SVEP1: variants seen among roughly 807,000 people sequenced by gnomAD.
The protein encoded by SVEP1 is sushi, von Willebrand factor type A, EGF and pentraxin domain containing 1, also known as sushi, von Willebrand factor type A, EGF and pentraxin domain-containing protein 1.
A neutral mutation model predicts 367.3 loss-of-function variants in SVEP1; 164 were observed. The observed-to-expected ratio is 0.45, with a 90% CI of 0.39 to 0.51. SVEP1 has a LOEUF of 0.51. Ranked by LOEUF, SVEP1 falls within the 20% of genes least tolerant of loss-of-function variation. SVEP1 has a pLI of 0.00. For missense variants in SVEP1, 4,117 were observed against 4,425.3 expected (o/e 0.93, Z 1.98); for synonymous variants, 1,666 against 1,611.6 (o/e 1.03, Z -0.81).
chr9:110,404,222 A>G, intron 39 of SVEP1, 105 bp downstream of exon 39: 1 of 1,123,840 alleles, frequency 8.9e-7, no homozygotes. Context: ...ATGAGTGAAA[A>G]CTTCAGACTT....
Position 110,563,375 on chromosome 9 carries a change from T to C in SVEP1, c.532-13271A>G, listed in dbSNP as rs539964353. ...TATTATTATGTTTTCCTGCTTTATC[T>C]AAGCTATTAATTTGTATATTATTTC... is the stretch of plus-strand genomic sequence containing the variant. On this transcript the variant is annotated intron_variant, in intron 1 of 47. Transcript: ENST00000374469. Among the ~76,000 whole-genome samples, 12 of 152,194 alleles carry C rather than the reference T, an allele frequency of 7.9e-5. No individual in the cohort carries two copies. The East Asian group carries it at 2.3e-3, about 29-fold the overall frequency.
chr9:110,408,539 A>G lies in SVEP1; in HGVS notation c.7061T>C (p.Val2354Ala). ...VVTFSCKEGH[V>A]LQGPSVLKCL... ...TTTCAGGACAGAGGGGCCTTGCAGG[A>G]CATGCCCTTCTTTACAGGAAAATGT... The change falls in exon 38 of 48, where the codon GTC becomes GCC. Residue 2354 changes from valine to alanine, a missense_variant. Around this residue, in one of 4 missense-constraint regions of SVEP1, gnomAD observed 1,765 missense variants for 1,781.1 expected, o/e 0.99. Transcript: ENST00000374469. 1.2e-6 allele frequency: 2 copies of G among 1,613,980 alleles called. No homozygotes were observed. Among genetic ancestry groups the G allele is most frequent in the Non-Finnish European group, 8.5e-7 (1 of 1,179,886 alleles).
intron 2 of SVEP1, among the ~76,000 whole-genome samples, chr9:110,547,866 A>C (rs1434647659): frequency 6.6e-6 from 1 of 152,306 alleles, no homozygotes. Context: ...CTAAACCTAG[A>C]AACTCAACTA....
At chr9:110,498,937 T>A in intron 7 of SVEP1, 104 bp downstream of exon 7, 1 of 998,862 alleles carries the variant, frequency 1.0e-6, no homozygotes. Context: ...AACCATATTA[T>A]CATGGGTTTG....
chr9:110,482,005 G>A (rs2118704337), intron 11 of SVEP1, among the ~76,000 whole-genome samples: 1 of 152,228 alleles, frequency 6.6e-6, no homozygotes, highest in African/African-American at 2.4e-5. Flanking sequence ...GAGTCACCAT[G>A]CCCTGCCCTT....
chr9:110,502,467 A>G (rs1829549523), intron 6 of SVEP1, among the ~76,000 whole-genome samples: 1 of 152,118 alleles, frequency 6.6e-6, no homozygotes, highest in Non-Finnish European at 1.5e-5. Flanking sequence ...CTTTATTTAA[A>G]GCTTTGCTTC....
chr9:110,506,730 C>G (rs1277723815), intron 5 of SVEP1, among the ~76,000 whole-genome samples: 1 of 151,992 alleles, frequency 6.6e-6, no homozygotes, highest in African/African-American at 2.4e-5. Context: ...TCTCTCCAAT[C>G]AGGGTTTCCA....
chr9:110,537,096 C>T (rs75577035), intron 3 of SVEP1, among the ~76,000 whole-genome samples: 257 of 151,922 alleles, frequency 1.7e-3, no homozygotes, highest in African/African-American at 5.8e-3. Flanking sequence ...AACTCATTTA[C>T]GATACTTTTT....
rs547127850 is a variant in SVEP1, at chr9:110,423,190, A to G, written c.5975+4401T>C. On this transcript the variant is annotated intron_variant, in intron 36 of 47. Coordinates refer to ENST00000374469, the MANE Select transcript of SVEP1 (RefSeq NM_153366.4). ...AAGTAAAAAAAAAAAAAAAGAAAAA[A>G]AAAAGAAAAATTGTCAATGTAGATT... Among the ~76,000 whole-genome samples, 353 of 147,376 alleles carry G rather than the reference A, an allele frequency of 2.4e-3. 1 individual carries two copies. Among genetic ancestry groups the G allele is most frequent in the African/African-American group, 8.3e-3 (327 of 39,576 alleles).
chr9:110,392,880 T>C (rs950046637), intron 40 of SVEP1, among the ~76,000 whole-genome samples: 1 of 152,212 alleles, frequency 6.6e-6, no homozygotes, highest in African/African-American at 2.4e-5. Context: ...CTGAATACTT[T>C]CGATGTGTAG....
At chr9:110,505,418 T>C (rs1025448457) in intron 5 of SVEP1, among the ~76,000 whole-genome samples, 5 of 152,186 alleles carry the variant, frequency 3.3e-5, no homozygotes, top group African/African-American at 4.8e-5. Context: ...TCTATCCCCA[T>C]AGACCCTTGG....
At chr9:110,447,977 G>GA (rs1828629449) in intron 24 of SVEP1, among the ~76,000 whole-genome samples, 1 of 151,998 alleles carries the variant, frequency 6.6e-6, no homozygotes, top group Non-Finnish European at 1.5e-5. Flanking sequence ...AAACCGAATT[G>GA]CAAAAAGAAT....
chr9:110,392,503 C>A (rs1188638633), intron 40 of SVEP1, among the ~76,000 whole-genome samples: 1 of 152,072 alleles, frequency 6.6e-6, no homozygotes, highest in Admixed American at 6.6e-5. Flanking sequence ...TGGTTGTCTC[C>A]ATTTTTTGTG....
In SVEP1 at chr9:110,407,363, C is replaced by T; in HGVS notation, c.8237G>A (p.Gly2746Glu). The change falls in exon 38 of 48, where the codon GGA becomes GAA. Residue 2746 changes from glycine (G) to glutamate (E), a missense_variant. Transcript: ENST00000374469. ...TAAGTCAGAGCCTGCTAGAATGTGT[C>T]CAGGTTTACAGCTATACTGCACAGC... ...GSAVQYSCKP[G>E]HILAGSDLRL... The T allele has an allele frequency of 6.2e-7, 1 of 1,613,928 alleles. No homozygotes were observed. Among genetic ancestry groups the T allele is most frequent in the Non-Finnish European group, 8.5e-7 (1 of 1,179,874 alleles).
chr9:110,520,117 T>C (rs1207966778), intron 3 of SVEP1, among the ~76,000 whole-genome samples: 1 of 152,206 alleles, frequency 6.6e-6, no homozygotes, highest in African/African-American at 2.4e-5. Flanking sequence ...TTTAAAACAC[T>C]GGCGAACAGA....
Position 110,407,978 on chromosome 9 carries a change from G to T in SVEP1, c.7622C>A (p.Thr2541Lys), listed in dbSNP as rs201404815. 6.2e-7 allele frequency: 1 copy of T among 1,614,026 alleles called. No individual in the cohort carries two copies. The highest frequency in any genetic ancestry group is 8.5e-7 in the Non-Finnish European group (1 of 1,179,900). The change falls in exon 38 of 48, where the codon ACA becomes AAA. Residue 2541 changes from threonine (T) to lysine (K), a missense_variant. Physicochemically the swap from Thr to Lys is moderately conservative, Grantham distance 78. Coordinates refer to ENST00000374469, the MANE Select transcript of SVEP1 (RefSeq NM_153366.4). ...TGGGGCATCTACATCCCAATCACCT[G>T]TCTCTAAACAGGTCAAGGCACTGGG... ...EGPSALTCLETGDWDVDAPSC... is the reference protein window; with the variant it reads ...EGPSALTCLEKGDWDVDAPSC...
chr9:110,466,549 G>C (rs1315857235), intron 17 of SVEP1, among the ~76,000 whole-genome samples: 1 of 151,752 alleles, frequency 6.6e-6, no homozygotes, highest in African/African-American at 2.4e-5. Context: ...ACGAGGTCAG[G>C]AGATCGAGAC....
chr9:110,497,858 G>A (rs930508611), intron 7 of SVEP1, among the ~76,000 whole-genome samples: 2 of 152,086 alleles, frequency 1.3e-5, no homozygotes, highest in East Asian at 1.9e-4. Flanking sequence ...TGTGTCTCAC[G>A]TCTTCTTGTT....
At chr9:110,495,625 C>T (rs1272367057) in intron 8 of SVEP1, among the ~76,000 whole-genome samples, 2 of 151,948 alleles carry the variant, frequency 1.3e-5, no homozygotes, top group Admixed American at 6.6e-5. Flanking sequence ...CCCGCCGCCC[C>T]CAGTGTATCC....
Sources: gnomAD v4.1 joint callset for allele counts (sites outside exome capture counted in the v4.1 genomes callset) on GRCh38, gnomAD v4.1.1 for gene constraint, gnomAD v4.1.1 regional missense constraint, MANE v1.5 for transcripts, NCBI Gene and HGNC (gene_info 2026-07-23, HGNC 2026-07-21) for gene names.